Variants in ABHD16A observed in about 807,000 individuals in gnomAD.
ABHD16A encodes the protein phosphatidylserine lipase ABHD16A.
A neutral mutation model predicts 89.8 loss-of-function variants in ABHD16A; 47 were observed. That is an observed-to-expected ratio of 0.52 (90% confidence interval 0.41 to 0.67). ABHD16A has a LOEUF of 0.67. ABHD16A is among the 30% of genes least tolerant of loss of function. The pLI is 0.00. For synonymous variants in ABHD16A, 251 were observed against 280.4 expected (o/e 0.90, Z 1.05); for missense variants, 580 against 734.6 (o/e 0.79, Z 2.43).
At position 31,693,437 on chromosome 6, in the gene ABHD16A, AG is replaced by A. The variant is rs1482223341; in HGVS notation, c.430-6del. 1 of 1,612,916 alleles carries A rather than the reference AG, an allele frequency of 6.2e-7. No homozygotes were observed. The highest frequency in any genetic ancestry group is 1.7e-5 in the Admixed American group (1 of 60,028). On this transcript the variant is annotated splice_polypyrimidine_tract_variant and splice_region_variant and intron_variant, in intron 5 of 19. Coordinates refer to ENST00000395952, the MANE Select transcript of ABHD16A (RefSeq NM_021160.3). The surrounding 1 kb of genome is among the most constrained non-coding windows in gnomAD (Gnocchi z 5.0). The stretch of plus-strand genomic sequence containing the variant: ...GTTGTAGTTGGCAAGCTGCCTCTGC[AG>A]TGGGCACGAGAGGCAAAGGGGTACT...
At chr6:31,701,999 A>G in intron 2 of ABHD16A, 75 bp downstream of exon 2, 1 of 1,571,400 alleles carries the variant, frequency 6.4e-7, no homozygotes, top group South Asian at 1.1e-5. Flanking sequence ...GTTGCTCCCA[A>G]GTTAGGGAGG....
At chr6:31,700,419 C>T (rs902172263) in intron 4 of ABHD16A, among the ~76,000 whole-genome samples, 11 of 152,160 alleles carry the variant, frequency 7.2e-5, no homozygotes, top group Non-Finnish European at 1.6e-4. Context: ...CCACCACACC[C>T]GGCCACACAG....
intron 1 of ABHD16A, chr6:31,702,902 G>C: frequency 7.6e-7 from 1 of 1,307,636 alleles, no homozygotes; most frequent in South Asian, 2.3e-5. Flanking sequence ...AGGGTCGGGG[G>C]GACGCGGAGA....
In ABHD16A at chr6:31,701,247, C is replaced by A. The variant is rs768017026; in HGVS notation, c.256+27G>T. The A allele has an allele frequency of 5.6e-6, 9 of 1,602,160 alleles. No homozygotes were observed. The East Asian group carries it at 2.0e-4, about 36-fold the overall frequency. On this transcript the variant is annotated intron_variant, in intron 3 of 19. Transcript: ENST00000395952. ...CTGCCAACAACCTGCCCATTTGCTA[C>A]CCCACCACCTTTGAAACCACACTGA...
At position 31,690,604 on chromosome 6, in the gene ABHD16A, T is replaced by C; in HGVS notation, c.844-2A>G. The C allele has an allele frequency of 6.2e-7, 1 of 1,612,650 alleles. No individual in the cohort carries two copies. The highest frequency in any genetic ancestry group is 8.5e-7 in the Non-Finnish European group (1 of 1,179,904). On this transcript the variant is annotated splice_acceptor_variant, in intron 9 of 19. Transcript: ENST00000395952. LOFTEE classifies it high-confidence loss of function. The surrounding 1 kb of genome is among the most constrained non-coding windows in gnomAD (Gnocchi z 4.1). ...AGCATTCCCCTCACAGCAGATCACCTAGGAAGGAGGCAGGAAGGAAGGGCT... is the reference window on the plus strand; with the variant it reads ...AGCATTCCCCTCACAGCAGATCACCCAGGAAGGAGGCAGGAAGGAAGGGCT...
In ABHD16A at chr6:31,693,266, T is replaced by C. The variant is rs187310010; in HGVS notation, c.503+93A>G. 1.2e-4 allele frequency: 198 copies of C among 1,589,430 alleles called. 1 individual carries two copies. The African/African-American group carries it at 1.9e-3, about 15-fold the overall frequency. On this transcript the variant is annotated intron_variant, in intron 6 of 19. Coordinates refer to ENST00000395952, the MANE Select transcript of ABHD16A (RefSeq NM_021160.3). The surrounding 1 kb of genome is among the most constrained non-coding windows in gnomAD (Gnocchi z 5.0). ...TAATGGCATTGGAAGGCAGGCACTG[T>C]GACCTGAGAGGGCATGGAGGTGGGA...
Position 31,688,185 on chromosome 6 carries a change from G to A in ABHD16A, c.1307+64C>T, listed in dbSNP as rs1048273157. The A allele has an allele frequency of 2.3e-5, 37 of 1,607,016 alleles. No individual in the cohort carries two copies. The highest frequency in any genetic ancestry group is 3.2e-5 in the Non-Finnish European group (37 of 1,174,358). On this transcript the variant is annotated intron_variant, in intron 15 of 19. Transcript: ENST00000395952. This position sits in a 1 kb window ranked among gnomAD's most constrained non-coding sequence, Gnocchi z 4.9. ...ATACCCAGGTTTCTGGTGGGCAGAG[G>A]TAGAAGGGACAAGTTCCTGGCCATC... is the stretch of plus-strand genomic sequence containing the variant.
chr6:31,699,040 GC>G (rs1272899826), intron 4 of ABHD16A, among the ~76,000 whole-genome samples: 1 of 152,112 alleles, frequency 6.6e-6, no homozygotes, highest in African/African-American at 2.4e-5. Flanking sequence ...AGAGAACACA[GC>G]CACCTCTCAG....
chr6:31,695,904 G>A (rs189523919), intron 5 of ABHD16A, among the ~76,000 whole-genome samples: 18 of 151,598 alleles, frequency 1.2e-4, no homozygotes, highest in Middle Eastern at 6.8e-3. Context: ...GGTGGCTCAC[G>A]CCTGTAATCC....
chr6:31,701,852 G>A (rs966636598), intron 2 of ABHD16A, among the ~76,000 whole-genome samples: 3 of 152,164 alleles, frequency 2.0e-5, no homozygotes, highest in Non-Finnish European at 2.9e-5. Flanking sequence ...TTTTCCTTAC[G>A]GCTCAGGTTG....
Position 31,703,272 on chromosome 6 carries a change from G to A in ABHD16A, c.10C>T (p.Leu4=). 2 of 1,357,454 alleles carry A rather than the reference G, an allele frequency of 1.5e-6. No homozygotes were observed. Among genetic ancestry groups the A allele is most frequent in the South Asian group, 2.1e-5 (1 of 48,522 alleles). The allele number at this position is 1,357,454 out of a possible 1,614,324, so 84.1% of individuals were successfully genotyped here. The change falls in exon 1 of 20, where the codon CTG becomes TTG. Residue 4 remains leucine, a synonymous_variant. Transcript: ENST00000395952. MAK[L]LSCVLGPRLY... is the part of the protein sequence containing the mutation. ...CGGGGGCCTAGGACGCAGCTCAGCA[G>A]CTTCGCCATGGCCCCGGCTCGGGCC...
Position 31,689,591 on chromosome 6 carries a change from G to A in ABHD16A, c.1071C>T (p.Gly357=), listed in dbSNP as rs535024352. The part of the protein sequence containing the change: ...QDIIIYAWSI[G]GFTATWAAMS... ...GAGGGAGGCTGGTACCAGTGAAGCC[G>A]CCGATGGACCAGGCGTAGATGATGA... The change falls in exon 12 of 20, where the codon GGC becomes GGT. Residue 357 remains glycine (G), a synonymous_variant. Transcript: ENST00000395952. 116 of 1,599,194 alleles carry A rather than the reference G, an allele frequency of 7.3e-5. No homozygotes were observed. The highest frequency in any genetic ancestry group is 3.8e-4 in the Admixed American group (22 of 58,040).
In ABHD16A at chr6:31,689,737, C is replaced by T. The variant is rs757957698; in HGVS notation, c.958-33G>A. On this transcript the variant is annotated intron_variant, in intron 11 of 19. Coordinates refer to ENST00000395952, the MANE Select transcript of ABHD16A (RefSeq NM_021160.3). ...AGAAAGGGCAAAGTCAGGAGTGTGT[C>T]AGCACCAAAGGCCAGCTCACCTGTC... 1.3e-5 allele frequency: 20 copies of T among 1,591,198 alleles called. No homozygotes were observed. The African/African-American group carries it at 2.5e-4, about 20-fold the overall frequency.
chr6:31,688,553 C>A lies in ABHD16A; in HGVS notation c.1250+170G>T, dbSNP rs1322017253. On this transcript the variant is annotated intron_variant, in intron 14 of 19. Coordinates refer to ENST00000395952, the MANE Select transcript of ABHD16A (RefSeq NM_021160.3). This position sits in a 1 kb window ranked among gnomAD's most constrained non-coding sequence, Gnocchi z 4.9. ...CCAGATCCTGAGGTGGTCCAGAGTC[C>A]CAGGGGACCTGGGAGGGGTTAGGCC... Among the ~76,000 whole-genome samples the A allele has an allele frequency of 6.6e-6, 1 of 152,200 alleles. No homozygotes were observed. The highest frequency in any genetic ancestry group is 1.5e-5 in the Non-Finnish European group (1 of 68,028).
At chr6:31,691,306 C>T (rs1803853587) in intron 9 of ABHD16A, 2 of 419,668 alleles carry the variant, frequency 4.8e-6, no homozygotes, top group South Asian at 4.9e-5. Flanking sequence ...ATATATGCTT[C>T]ATATATATAT....
Position 31,688,064 on chromosome 6 carries a change from G to A in ABHD16A, c.1347C>T (p.Leu449=), listed in dbSNP as rs773025757. The A allele has an allele frequency of 3.1e-6, 5 of 1,613,192 alleles. No individual in the cohort carries two copies. Among genetic ancestry groups the A allele is most frequent in the Non-Finnish European group, 4.2e-6 (5 of 1,179,578 alleles). Residue 449 remains leucine, a synonymous_variant, in exon 16 of 20, where the codon CTC becomes CTT. Transcript: ENST00000395952. The surrounding 1 kb of genome is among the most constrained non-coding windows in gnomAD (Gnocchi z 4.9). ...EDIMSNRGND[L]LLKLLQHRYP... Reference sequence around the variant, plus strand: ...ACCGATGCTGCAGGAGCTTCAGCAGGAGGTCATTGCCTCGGTTGGACATGA... The same window carrying A: ...ACCGATGCTGCAGGAGCTTCAGCAGAAGGTCATTGCCTCGGTTGGACATGA...
At chr6:31,689,772 G>A (rs1025594513) in intron 11 of ABHD16A, 68 bp from the exon 12 acceptor site, 10 of 1,551,050 alleles carry the variant, frequency 6.4e-6, no homozygotes, top group Admixed American at 3.8e-5. Flanking sequence ...CCCTCCCAAC[G>A]TGGACCCCTC....
At chr6:31,696,370 C>T (rs1254650686) in intron 5 of ABHD16A, among the ~76,000 whole-genome samples, 6 of 151,026 alleles carry the variant, frequency 4.0e-5, no homozygotes, top group African/African-American at 1.5e-4. Context: ...TGGTGGCTCA[C>T]GCCTGTAATC....
At position 31,687,581 on chromosome 6, in the gene ABHD16A, TG is replaced by T. The variant is rs764716626; in HGVS notation, c.1547-38del. ...AGGCGCTCAAAATAGGCCACACATC[TG>T]GGTATTCATCCCCTTCCTAGGCCCT... On this transcript the variant is annotated intron_variant, in intron 18 of 19. Coordinates refer to ENST00000395952, the MANE Select transcript of ABHD16A (RefSeq NM_021160.3). This position sits in a 1 kb window ranked among gnomAD's most constrained non-coding sequence, Gnocchi z 6.3. 6.2e-7 allele frequency: 1 copy of T among 1,613,042 alleles called. No homozygotes were observed. Among genetic ancestry groups the T allele is most frequent in the South Asian group, 1.1e-5 (1 of 91,086 alleles).
Sources: gnomAD v4.1 joint callset for allele counts (sites outside exome capture counted in the v4.1 genomes callset) on GRCh38, gnomAD v4.1.1 for gene constraint, Gnocchi (gnomAD v3.1) non-coding constraint, MANE v1.5 for transcripts, NCBI Gene and HGNC (gene_info 2026-07-23, HGNC 2026-07-21) for gene names.